Variants in ULK4 observed in about 807,000 individuals in gnomAD.
The protein encoded by ULK4 is unc-51 like kinase 4.
ULK4 carries 133 observed loss-of-function variants against 160.6 expected under a neutral mutation model. That is an observed-to-expected ratio of 0.83 (90% CI 0.72 to 0.96). The LOEUF (loss-of-function observed/expected upper bound fraction) is 0.96. Among genes scored for constraint, ULK4 ranks in the 40% least tolerant of loss-of-function variants. The pLI is 0.00. For synonymous variants in ULK4, 534 were observed against 539.8 expected, an observed-to-expected ratio of 0.99 and a Z score of 0.15; for missense variants, 1,580 against 1,499.5, an observed-to-expected ratio of 1.05 and a Z score of -0.89.
At chr3:41,536,744 G>T (rs1311168482) in intron 32 of ULK4, among the ~76,000 whole-genome samples, 3 of 152,158 alleles carry the variant, frequency 2.0e-5, no homozygotes, top group African/African-American at 7.2e-5. Context: ...AGGAAGAGGA[G>T]GGGTTGGTCT....
intron 30 of ULK4, among the ~76,000 whole-genome samples, chr3:41,658,025 G>C (rs1161449244): frequency 6.6e-6 from 1 of 151,926 alleles, no homozygotes; most frequent in African/African-American, 2.4e-5. Flanking sequence ...TAATAAGACA[G>C]AAATAGAACA....
intron 19 of ULK4, among the ~76,000 whole-genome samples, chr3:41,812,646 G>A (rs530653114): frequency 1.6e-4 from 24 of 152,084 alleles, no homozygotes; most frequent in African/African-American, 5.5e-4. Flanking sequence ...GGTGGTGTTC[G>A]CTATTTAAAA....
At chr3:41,930,978 T>A (rs568029147) in intron 5 of ULK4, among the ~76,000 whole-genome samples, 3 of 152,360 alleles carry the variant, frequency 2.0e-5, no homozygotes, top group South Asian at 2.1e-4. Context: ...ATCCCATTAC[T>A]GGGTATACAC....
At chr3:41,700,851 CA>C (rs1276352690) in intron 27 of ULK4, among the ~76,000 whole-genome samples, 2 of 152,062 alleles carry the variant, frequency 1.3e-5, no homozygotes, top group Admixed American at 6.6e-5. Context: ...AAAATATCTA[CA>C]GGGAACAGGA....
chr3:41,848,305 T>C (rs910048748), intron 17 of ULK4, among the ~76,000 whole-genome samples: 4 of 152,198 alleles, frequency 2.6e-5, no homozygotes, highest in Non-Finnish European at 5.9e-5. Context: ...AGTTTGGAGA[T>C]ACTAGGTAAA....
At chr3:41,253,362 CATA>C (rs2078774446) in intron 35 of ULK4, among the ~76,000 whole-genome samples, 1 of 151,560 alleles carries the variant, frequency 6.6e-6, no homozygotes, top group Non-Finnish European at 1.5e-5. Flanking sequence ...ACAGCTGGAA[CATA>C]ATAAGATGGG....
At chr3:41,758,315 C>G (rs2125903156) in intron 21 of ULK4, among the ~76,000 whole-genome samples, 1 of 152,078 alleles carries the variant, frequency 6.6e-6, no homozygotes, top group East Asian at 1.9e-4. Context: ...TCAACCAAAA[C>G]AAAAAACAAA....
chr3:41,780,273 A>G (rs1430240870), intron 21 of ULK4, among the ~76,000 whole-genome samples: 1 of 152,098 alleles, frequency 6.6e-6, no homozygotes, highest in African/African-American at 2.4e-5. Context: ...ACACCACTGT[A>G]CTCCAGCCTC....
At chr3:41,561,878 T>C (rs2087586185) in intron 32 of ULK4, among the ~76,000 whole-genome samples, 1 of 152,194 alleles carries the variant, frequency 6.6e-6, no homozygotes, top group Admixed American at 6.5e-5. Flanking sequence ...TGCTCTGATC[T>C]TAGTTATTTC....
chr3:41,812,736 T>A (rs552896282), intron 19 of ULK4, among the ~76,000 whole-genome samples: 2 of 152,340 alleles, frequency 1.3e-5, no homozygotes, highest in African/African-American at 4.8e-5. Flanking sequence ...TACCCTTCCA[T>A]TGCTTTGCCC....
intron 34 of ULK4, among the ~76,000 whole-genome samples, chr3:41,436,967 C>G (rs2083050749): frequency 6.6e-6 from 1 of 152,168 alleles, no homozygotes; most frequent in Non-Finnish European, 1.5e-5. Flanking sequence ...CTTACTGAGT[C>G]TGGAAGTGGA....
rs573018109 is a variant in ULK4, at chr3:41,673,945, C to T, written c.2978+7563G>A. Reference sequence around the variant, plus strand: ...ACAGGAATGTAAGCTCACTGAGGGGCGGGAATTTAATTGTGTTAACCATTG... The same window carrying T: ...ACAGGAATGTAAGCTCACTGAGGGGTGGGAATTTAATTGTGTTAACCATTG... On this transcript the variant is annotated intron_variant, in intron 29 of 36. Transcript: ENST00000301831. 1.4e-4 allele frequency among the ~76,000 whole-genome samples: 21 copies of T among 152,106 alleles called. No homozygotes were observed. The East Asian group carries it at 2.9e-3, about 21-fold the overall frequency.
At chr3:41,472,936 G>C (rs1285468238) in intron 32 of ULK4, among the ~76,000 whole-genome samples, 1 of 152,096 alleles carries the variant, frequency 6.6e-6, no homozygotes, top group African/African-American at 2.4e-5. Context: ...GATCAAATGA[G>C]ATTTATCTCT....
intron 21 of ULK4, chr3:41,766,930 T>A (rs529221065): frequency 6.6e-6 from 1 of 152,310 alleles, no homozygotes; most frequent in South Asian, 2.1e-4. Context: ...CTTAATGGTG[T>A]TTTGAAAACT....
chr3:41,614,328 T>C (rs1385905550), intron 31 of ULK4, among the ~76,000 whole-genome samples: 1 of 152,232 alleles, frequency 6.6e-6, no homozygotes, highest in Non-Finnish European at 1.5e-5. Flanking sequence ...TGGACAGCTT[T>C]GGCTCTTGCC....
At chr3:41,760,155 T>G (rs1293379366) in intron 21 of ULK4, among the ~76,000 whole-genome samples, 1 of 152,122 alleles carries the variant, frequency 6.6e-6, no homozygotes, top group Non-Finnish European at 1.5e-5. Context: ...AAAGAAAATA[T>G]GTATCTGTCG....
intron 7 of ULK4, among the ~76,000 whole-genome samples, chr3:41,917,446 A>G (rs1318007829): frequency 6.6e-6 from 1 of 151,970 alleles, no homozygotes; most frequent in African/African-American, 2.4e-5. Context: ...ACAGCAGCAC[A>G]GCAGAACCCT....
chr3:41,838,527 A>T (rs2041825364), intron 17 of ULK4, among the ~76,000 whole-genome samples: 1 of 152,156 alleles, frequency 6.6e-6, no homozygotes, highest in South Asian at 2.1e-4. Flanking sequence ...AAAAAGTCCA[A>T]ATGGAGTGGT....
intron 18 of ULK4, among the ~76,000 whole-genome samples, chr3:41,831,618 G>C (rs2041593326): frequency 6.6e-6 from 1 of 151,572 alleles, no homozygotes; most frequent in Non-Finnish European, 1.5e-5. Flanking sequence ...TGCCAGAGTG[G>C]TTTGTTGTAC....
Sources: gnomAD v4.1 joint callset for allele counts (sites outside exome capture counted in the v4.1 genomes callset) on GRCh38, gnomAD v4.1.1 for gene constraint, MANE v1.5 for transcripts, NCBI Gene and HGNC (gene_info 2026-07-23, HGNC 2026-07-21) for gene names.